Variants in PPP1CB observed in about 807,000 individuals in gnomAD.
PPP1CB encodes the protein protein phosphatase 1 catalytic subunit beta.
In PPP1CB, 2 loss-of-function variants were observed where a neutral mutation model predicts 43.7. The ratio of observed to expected loss-of-function variants is 0.05; its 90% CI spans 0.02 to 0.14. PPP1CB has a LOEUF of 0.14. PPP1CB is among the 10% of genes least tolerant of loss of function. PPP1CB has a pLI of 1.00. For missense variants in PPP1CB, 84 were observed against 398.0 expected (o/e 0.21, Z 6.71); for synonymous variants, 136 against 135.6 (o/e 1.00, Z -0.02).
Position 28,800,226 on chromosome 2 carries a change from C to CTTTCTTTCTTTTT in PPP1CB, c.*926_*927insCTTTCTTTTTTTT, listed in dbSNP as rs1553312779. The stretch of plus-strand genomic sequence containing the variant: ...TTGGTTTTCTTTTTCTTTTTTCTTT[C>CTTTCTTTCTTTTT]TTTTTTTTTTTTTTTTTTTTTTTGA... On this transcript the variant is annotated 3_prime_UTR_variant, in exon 8 of 8. Coordinates refer to ENST00000395366, the MANE Select transcript of PPP1CB (RefSeq NM_002709.3). 1 of 65,628 alleles carries CTTTCTTTCTTTTT rather than the reference C, an allele frequency of 1.5e-5. No individual in the cohort carries two copies. Among genetic ancestry groups the CTTTCTTTCTTTTT allele is most frequent in the Non-Finnish European group, 2.7e-5 (1 of 36,888 alleles). The allele number at this position is 65,628 out of a possible 1,614,324, so 4.1% of individuals were successfully genotyped here. A position where few individuals can be genotyped will look rare whatever the true frequency, so the allele number is the denominator to read the frequency against.
chr2:28,762,516 G>A (rs544122715), intron 1 of PPP1CB, among the ~76,000 whole-genome samples: 4 of 152,136 alleles, frequency 2.6e-5, no homozygotes, highest in Admixed American at 6.5e-5. Context: ...CTACAGATAC[G>A]TAGTTAGAAA....
intron 4 of PPP1CB, among the ~76,000 whole-genome samples, chr2:28,783,081 A>G (rs533124785): frequency 2.0e-5 from 3 of 152,336 alleles, no homozygotes; most frequent in South Asian, 4.1e-4. Context: ...TACCACTTCA[A>G]AGATTGCAGA....
Position 28,797,323 on chromosome 2 carries a change from G to A in PPP1CB, c.880-1876G>A, listed in dbSNP as rs1002708171. 5.9e-5 allele frequency among the ~76,000 whole-genome samples: 9 copies of A among 152,170 alleles called. No individual in the cohort carries two copies. The South Asian group carries it at 1.2e-3, about 21-fold the overall frequency. ...GGGAGGTCCTCTTCCTGGATTGTTTGGAATAGTTTCAGTAGGATTGGTACT... is the reference window on the plus strand; with the variant it reads ...GGGAGGTCCTCTTCCTGGATTGTTTAGAATAGTTTCAGTAGGATTGGTACT... On this transcript the variant is annotated intron_variant, in intron 7 of 7. Transcript: ENST00000395366.
chr2:28,794,118 A>G, intron 7 of PPP1CB, 121 bp downstream of exon 7: 1 of 752,346 alleles, frequency 1.3e-6, no homozygotes, highest in Non-Finnish European at 2.1e-6. Context: ...TTCAGAAGTG[A>G]TTACCACTCA....
chr2:28,751,762 C>T (rs927983986), upstream of PPP1CB: 1 of 324,286 alleles, frequency 3.1e-6, no homozygotes, highest in South Asian at 2.7e-5. Flanking sequence ...CGTGACGCGG[C>T]GGCGCGCAAG....
intron 1 of PPP1CB, among the ~76,000 whole-genome samples, chr2:28,769,112 T>A (rs1666844316): frequency 6.6e-6 from 1 of 152,138 alleles, no homozygotes; most frequent in Non-Finnish European, 1.5e-5. Context: ...GAAGAAAAAA[T>A]TCATTATCTT....
At chr2:28,771,202 T>C (rs1384269524) in intron 1 of PPP1CB, among the ~76,000 whole-genome samples, 2 of 151,860 alleles carry the variant, frequency 1.3e-5, no homozygotes, top group Non-Finnish European at 2.9e-5. Flanking sequence ...TACAGGCACC[T>C]GCCATCACGC....
rs1667208668 is a variant in PPP1CB at position 28,783,889 on chromosome 2, T to C, written c.521-18T>C. ...AATTTTTAGCTGTTAGTACTATGTC[T>C]CATCTTTTTATTTATAGGATTGTCA... On this transcript the variant is annotated intron_variant, in intron 4 of 7. Coordinates refer to ENST00000395366, the MANE Select transcript of PPP1CB (RefSeq NM_002709.3). 6.3e-7 allele frequency: 1 copy of C among 1,590,706 alleles called. No homozygotes were observed. The highest frequency in any genetic ancestry group is 8.6e-7 in the Non-Finnish European group (1 of 1,159,364).
chr2:28,798,090 A>C (rs561756329), intron 7 of PPP1CB, among the ~76,000 whole-genome samples: 1 of 152,270 alleles, frequency 6.6e-6, no homozygotes, highest in African/African-American at 2.4e-5. Context: ...GGATTAATAT[A>C]TTCTCTTCAC....
rs368436813 is a variant in PPP1CB, at chr2:28,799,966, C to T, written c.*663C>T. On this transcript the variant is annotated 3_prime_UTR_variant, in exon 8 of 8. Transcript: ENST00000395366. ...ATACAGTTTGACTGGGCAAACTTTA[C>T]AGCTGATAGTGAATATTTTGCTTTA... 4 of 152,558 alleles carry T rather than the reference C, an allele frequency of 2.6e-5. No homozygotes were observed. The highest frequency in any genetic ancestry group is 2.1e-4 in the South Asian group (1 of 4,824). The allele number at this position is 152,558 out of a possible 1,614,324, so 9.5% of individuals were successfully genotyped here.
At chr2:28,773,181 ATATG>A (rs1054209929) in intron 1 of PPP1CB, among the ~76,000 whole-genome samples, 1 of 152,202 alleles carries the variant, frequency 6.6e-6, no homozygotes, top group Non-Finnish European at 1.5e-5. Flanking sequence ...TTAGTATACT[ATATG>A]TATGTAATAT....
chr2:28,767,391 ACAATGCCTT>A (rs1438465938), intron 1 of PPP1CB, among the ~76,000 whole-genome samples: 1 of 152,162 alleles, frequency 6.6e-6, no homozygotes, highest in East Asian at 1.9e-4. Flanking sequence ...CATAATGACT[ACAATGCCTT>A]AGCACCCAAT....
Position 28,764,473 on chromosome 2 carries a change from AAGAG to A in PPP1CB, c.52+12301_52+12304del, listed in dbSNP as rs1216210275. ...AGACTCCATCTCAAAAAAAAAAAAA[AAGAG>A]AGACTCCACATTTTAGCCAATTGTA... On this transcript the variant is annotated intron_variant, in intron 1 of 7. Transcript: ENST00000395366. Among the ~76,000 whole-genome samples, 67 of 152,062 alleles carry A rather than the reference AAGAG, an allele frequency of 4.4e-4. 1 individual carries two copies. The highest frequency in any genetic ancestry group is 7.2e-4 in the Admixed American group (11 of 15,274).
chr2:28,783,779 A>T (rs2148053199), intron 4 of PPP1CB, 128 bp from the exon 5 acceptor site: 1 of 660,668 alleles, frequency 1.5e-6, no homozygotes, highest in Non-Finnish European at 2.6e-6. Context: ...AGACGTTAAA[A>T]GGAACACTTT....
chr2:28,781,614 T>G, intron 3 of PPP1CB, 124 bp from the exon 4 acceptor site: 1 of 695,948 alleles, frequency 1.4e-6, no homozygotes, highest in East Asian at 2.9e-5. Flanking sequence ...TAGAAAAAGT[T>G]CTTCTTTATA....
chr2:28,752,289 C>T (rs1161138252), intron 1 of PPP1CB, 113 bp downstream of exon 1: 6 of 1,032,252 alleles, frequency 5.8e-6, no homozygotes, highest in East Asian at 3.0e-5. Context: ...CGAGACGAGT[C>T]TCTGGGAGCG....
intron 5 of PPP1CB, 65 bp from the exon 6 acceptor site, chr2:28,788,593 A>G: frequency 1.3e-6 from 2 of 1,504,176 alleles, no homozygotes; most frequent in South Asian, 2.4e-5. Context: ...AATTTGATGT[A>G]GATGTGCTAT....
At chr2:28,785,995 AAC>A (rs1342444476) in intron 5 of PPP1CB, among the ~76,000 whole-genome samples, 2 of 152,164 alleles carry the variant, frequency 1.3e-5, no homozygotes, top group Non-Finnish European at 2.9e-5. Flanking sequence ...AGATGCTGAA[AAC>A]AGTTATTTTG....
intron 1 of PPP1CB, among the ~76,000 whole-genome samples, chr2:28,764,030 A>G (rs1297134477): frequency 1.3e-5 from 2 of 152,026 alleles, no homozygotes; most frequent in Non-Finnish European, 2.9e-5. Flanking sequence ...AGGCAGTCCT[A>G]AGATGAGAGG....
Sources: gnomAD v4.1 joint callset for allele counts (sites outside exome capture counted in the v4.1 genomes callset) on GRCh38, gnomAD v4.1.1 for gene constraint, MANE v1.5 for transcripts, NCBI Gene and HGNC (gene_info 2026-07-23, HGNC 2026-07-21) for gene names.